The following PDE6G variants were observed in gnomAD, a reference collection of about 807,000 sequenced individuals.
The protein encoded by PDE6G is rod cGMP 3',5'-cyclic phosphodiesterase subunit gamma.
Under a neutral mutation model 10.9 loss-of-function variants are expected in PDE6G, and 10 were observed. The ratio of observed to expected loss-of-function variants is 0.91; its 90% CI spans 0.56 to 1.55. PDE6G has a LOEUF of 1.55. Ranked by LOEUF, PDE6G falls within the 40% of genes most tolerant of loss-of-function variation. The pLI, the probability that PDE6G is intolerant of heterozygous loss-of-function variation, is 0.00. For synonymous variants in PDE6G, 41 were observed against 42.8 expected, an observed-to-expected ratio of 0.96 and a Z score of 0.16; for missense variants, 102 against 110.1, an observed-to-expected ratio of 0.93 and a Z score of 0.33.
Position 81,651,753 on chromosome 17 carries a change from G to A in PDE6G, c.147-68C>T. The A allele has an allele frequency of 2.0e-6, 3 of 1,529,792 alleles. No individual in the cohort carries two copies. Among genetic ancestry groups the A allele is most frequent in the Non-Finnish European group, 2.7e-6 (3 of 1,111,014 alleles). 94.8% of individuals were successfully genotyped at this position (1,529,792 alleles called of 1,614,324 possible). On this transcript the variant is annotated intron_variant, in intron 2 of 3. Coordinates refer to ENST00000331056, the MANE Select transcript of PDE6G (RefSeq NM_002602.4). This position sits in a 1 kb window ranked among gnomAD's most constrained non-coding sequence, Gnocchi z 4.8. ...TGGCTCAGTCAGCCTGAGGCCCGAG[G>A]TCATCTCTAGCCTTCCTAGGAGATG...
chr17:81,656,393 C>T, intron 1 of PDE6G, 100 bp downstream of exon 1: 2 of 685,530 alleles, frequency 2.9e-6, no homozygotes, highest in Non-Finnish European at 5.3e-6. Flanking sequence ...GTGGTAAAAG[C>T]CTGTCAGCTC....
chr17:81,653,045 G>T lies in PDE6G; in HGVS notation c.146+115C>A. 8.1e-7 allele frequency: 1 copy of T among 1,239,324 alleles called. No individual in the cohort carries two copies. The highest frequency in any genetic ancestry group is 1.2e-6 in the Non-Finnish European group (1 of 842,082). The allele number at this position is 1,239,324 out of a possible 1,614,324, so 76.8% of individuals were successfully genotyped here. On this transcript the variant is annotated intron_variant, in intron 2 of 3. Coordinates refer to ENST00000331056, the MANE Select transcript of PDE6G (RefSeq NM_002602.4). This position sits in a 1 kb window ranked among gnomAD's most constrained non-coding sequence, Gnocchi z 5.2. ...CCGCCCTACCTTCCCCAGCTGTGAG[G>T]CTGGGACCACTCACCCAGTGAAGTG...
At chr17:81,655,310 C>T (rs2036429347) in intron 1 of PDE6G, among the ~76,000 whole-genome samples, 1 of 152,236 alleles carries the variant, frequency 6.6e-6, no homozygotes, top group African/African-American at 2.4e-5. Flanking sequence ...CGTTCCCCAA[C>T]CCCACTTCAT....
rs938661593 is a variant in PDE6G, at chr17:81,653,414, C to T, written c.-59-50G>A. 3.0e-6 allele frequency: 4 copies of T among 1,335,074 alleles called. No homozygotes were observed. In the Admixed American group the frequency reaches 5.9e-5, roughly 20 times the overall value. 82.7% of individuals were successfully genotyped at this position (1,335,074 alleles called of 1,614,324 possible). A position where few individuals can be genotyped will look rare whatever the true frequency, so the allele number is the denominator to read the frequency against. On this transcript the variant is annotated intron_variant, in intron 1 of 3. Transcript: ENST00000331056. This position sits in a 1 kb window ranked among gnomAD's most constrained non-coding sequence, Gnocchi z 5.2. ...CCAGTCAGCCCTCCTGCTTCCAACC[C>T]TTGTGGGGGTCTCAACCCACCGGTG...
rs2036352627 is a variant in PDE6G, at chr17:81,651,425, C to T, written c.187+220G>A. 6.6e-6 allele frequency among the ~76,000 whole-genome samples: 1 copy of T among 152,022 alleles called. No homozygotes were observed. The highest frequency in any genetic ancestry group is 2.4e-5 in the African/African-American group (1 of 41,380). ...TTCTGTTCTTTCCCAAACCCCTCCCCTCACCTGGTGCAAGTGTCCCAAATG... is the reference window on the plus strand; with the variant it reads ...TTCTGTTCTTTCCCAAACCCCTCCCTTCACCTGGTGCAAGTGTCCCAAATG... On this transcript the variant is annotated intron_variant, in intron 3 of 3. Transcript: ENST00000331056. This position sits in a 1 kb window ranked among gnomAD's most constrained non-coding sequence, Gnocchi z 4.8.
At chr17:81,656,738 G>A (rs1401398301), upstream of PDE6G, 9 of 664,398 alleles carry the variant, frequency 1.4e-5, no homozygotes, top group Admixed American at 2.1e-5. Flanking sequence ...GACAGGGAGA[G>A]AAGTGTGACC....
chr17:81,653,112 A>G lies in PDE6G; in HGVS notation c.146+48T>C, dbSNP rs748773431. ...CGCCCTCCCCTTCCTGTGCAGCCTCAGGACCGCCTCCTCCCTTTCAGAGGC... is the reference window on the plus strand; with the variant it reads ...CGCCCTCCCCTTCCTGTGCAGCCTCGGGACCGCCTCCTCCCTTTCAGAGGC... On this transcript the variant is annotated intron_variant, in intron 2 of 3. Coordinates refer to ENST00000331056, the MANE Select transcript of PDE6G (RefSeq NM_002602.4). This position sits in a 1 kb window ranked among gnomAD's most constrained non-coding sequence, Gnocchi z 5.2. 4.4e-6 allele frequency: 7 copies of G among 1,605,860 alleles called. No homozygotes were observed. Among genetic ancestry groups the G allele is most frequent in the Admixed American group, 1.7e-5 (1 of 59,780 alleles).
upstream of PDE6G, among the ~76,000 whole-genome samples, chr17:81,658,986 C>T (rs2036483750): frequency 6.6e-6 from 1 of 151,930 alleles, no homozygotes; most frequent in East Asian, 1.9e-4. Context: ...GACCCTATAG[C>T]CTTGATTGTA....
At chr17:81,655,703 GGC>G (rs2036436925) in intron 1 of PDE6G, among the ~76,000 whole-genome samples, 1 of 152,246 alleles carries the variant, frequency 6.6e-6, no homozygotes, top group Non-Finnish European at 1.5e-5. Context: ...AGACAGGAGG[GGC>G]TGCTTGCCCG....
intron 1 of PDE6G, among the ~76,000 whole-genome samples, chr17:81,654,353 G>C (rs1233831390): frequency 1.3e-5 from 2 of 150,944 alleles, no homozygotes; most frequent in Non-Finnish European, 2.9e-5. Flanking sequence ...GCTGGTGGGC[G>C]TCTCCCGGGC....
In PDE6G at chr17:81,653,451, A is replaced by C. The variant is rs1598719185; in HGVS notation, c.-59-87T>G. The C allele has an allele frequency of 5.7e-6, 5 of 869,614 alleles. No homozygotes were observed. In the East Asian group the frequency reaches 1.1e-4, roughly 19 times the overall value. The allele number at this position is 869,614 out of a possible 1,614,324, so 53.9% of individuals were successfully genotyped here. ...TCAACCCACCGGTGGAGGGGCTGAGACCCAGCCCCGCCAGCTCCAGCGTCA... is the reference window on the plus strand; with the variant it reads ...TCAACCCACCGGTGGAGGGGCTGAGCCCCAGCCCCGCCAGCTCCAGCGTCA... On this transcript the variant is annotated intron_variant, in intron 1 of 3. Coordinates refer to ENST00000331056, the MANE Select transcript of PDE6G (RefSeq NM_002602.4). The surrounding 1 kb of genome is among the most constrained non-coding windows in gnomAD (Gnocchi z 5.2).
chr17:81,651,676 G>T lies in PDE6G; in HGVS notation c.156C>A (p.Asp52Glu). 1.2e-6 allele frequency: 2 copies of T among 1,614,024 alleles called. No homozygotes were observed. The highest frequency in any genetic ancestry group is 1.7e-6 in the Non-Finnish European group (2 of 1,179,956). Residue 52 changes from aspartate (D) to glutamate (E), a missense_variant, in exon 3 of 4, where the codon GAC (aspartate) becomes GAA (glutamate). Transcript: ENST00000331056. This position sits in a 1 kb window ranked among gnomAD's most constrained non-coding sequence, Gnocchi z 4.8. ...PPKKGVQGFGDDIPGMEGLGT... is the reference protein window; with the variant it reads ...PPKKGVQGFGEDIPGMEGLGT... Reference sequence around the variant, plus strand: ...CCAGGCCTTCCATTCCAGGGATGTCGTCCCCAAACCTGCAAGGACAGAGCA... The same window carrying T: ...CCAGGCCTTCCATTCCAGGGATGTCTTCCCCAAACCTGCAAGGACAGAGCA...
intron 1 of PDE6G, among the ~76,000 whole-genome samples, chr17:81,655,919 C>A (rs540638652): frequency 6.6e-6 from 1 of 152,208 alleles, no homozygotes; most frequent in Non-Finnish European, 1.5e-5. Flanking sequence ...TTGGGGTGGA[C>A]CCTGCCATGG....
At chr17:81,656,764 C>T (rs1009367431), upstream of PDE6G, 3 of 629,332 alleles carry the variant, frequency 4.8e-6, no homozygotes, top group African/African-American at 1.8e-5. Context: ...CAGCCAGGCT[C>T]CTGCAGCTGC....
rs2036402455 is a variant in PDE6G at position 81,653,585 on chromosome 17, C to T, written c.-59-221G>A. On this transcript the variant is annotated intron_variant, in intron 1 of 3. Transcript: ENST00000331056. This position sits in a 1 kb window ranked among gnomAD's most constrained non-coding sequence, Gnocchi z 5.2. ...TTGCCTAGTGGATGCCCCCCTGCAACGCTGGCCACACACAGCTCCGGACTC... is the reference window on the plus strand; with the variant it reads ...TTGCCTAGTGGATGCCCCCCTGCAATGCTGGCCACACACAGCTCCGGACTC... 4.0e-6 allele frequency: 2 copies of T among 497,354 alleles called. No homozygotes were observed. Among genetic ancestry groups the T allele is most frequent in the African/African-American group, 1.9e-5 (1 of 51,592 alleles). The allele number at this position is 497,354 out of a possible 1,614,324, so 30.8% of individuals were successfully genotyped here.
rs1126835 is a variant in PDE6G at position 81,650,590 on chromosome 17, A to C, written c.*484T>G. The C allele has an allele frequency of 0.043, 19,531 of 454,244 alleles. 773 individuals carry two copies. Among genetic ancestry groups the C allele is most frequent in the East Asian group, 0.22 (3,170 of 14,390 alleles). The allele number at this position is 454,244 out of a possible 1,614,324, so 28.1% of individuals were successfully genotyped here. A position where few individuals can be genotyped will look rare whatever the true frequency, so the allele number is the denominator to read the frequency against. On this transcript the variant is annotated 3_prime_UTR_variant, in exon 4 of 4. Transcript: ENST00000331056. ...TGCACGCCCTGGAGTCCTGCTACCC[A>C]GCATGTCCAAACTAAGGGCACCCCC...
At chr17:81,660,257 C>G (rs2144413587), upstream of PDE6G, among the ~76,000 whole-genome samples, 1 of 151,522 alleles carries the variant, frequency 6.6e-6, no homozygotes, top group African/African-American at 2.4e-5. Context: ...ACTAAAAATA[C>G]AAAAAATTAG....
chr17:81,650,693 T>G lies in PDE6G; in HGVS notation c.*381A>C. ...ACAGGGGGCTGGGGTGCAGAAGCAC[T>G]CTGGGGAGACCTGCCCTAGCTTTCC... On this transcript the variant is annotated 3_prime_UTR_variant, in exon 4 of 4. Transcript: ENST00000331056. 2.2e-6 allele frequency: 1 copy of G among 458,806 alleles called. No homozygotes were observed. Among genetic ancestry groups the G allele is most frequent in the South Asian group, 1.6e-5 (1 of 64,472 alleles). The allele number at this position is 458,806 out of a possible 1,614,324, so 28.4% of individuals were successfully genotyped here. A position where few individuals can be genotyped will look rare whatever the true frequency, so the allele number is the denominator to read the frequency against.
At chr17:81,658,164 A>C (rs1186034186), upstream of PDE6G, among the ~76,000 whole-genome samples, 1 of 151,754 alleles carries the variant, frequency 6.6e-6, no homozygotes, top group Admixed American at 6.6e-5. Flanking sequence ...GGCTCACTGC[A>C]ACCTCTGCCT....
Sources: allele counts gnomAD v4.1 joint callset (sites outside exome capture counted in the v4.1 genomes callset), GRCh38; gene constraint gnomAD v4.1.1; non-coding constraint Gnocchi (gnomAD v3.1); transcripts MANE v1.5; gene names NCBI Gene and HGNC (gene_info 2026-07-23, HGNC 2026-07-21).